Variants in KHDRBS2 observed in about 807,000 individuals in gnomAD.
KHDRBS2 encodes the protein KH RNA binding domain containing, signal transduction associated 2.
A neutral mutation model predicts 44.3 loss-of-function variants in KHDRBS2; 26 were observed. That is an observed-to-expected ratio of 0.59 (90% CI 0.43 to 0.81). KHDRBS2 has a LOEUF of 0.81. KHDRBS2 is among the 40% of genes least tolerant of loss of function. The probability of loss-of-function intolerance (pLI) is 0.00; values close to 1 mark genes in which losing one functional copy is unlikely to be tolerated. For synonymous variants in KHDRBS2, 194 were observed against 151.1 expected (o/e 1.28, Z -2.08); for missense variants, 476 against 433.1 (o/e 1.10, Z -0.88).
intron 3 of KHDRBS2, among the ~76,000 whole-genome samples, chr6:62,019,486 C>G (rs1291565048): frequency 6.6e-6 from 1 of 151,934 alleles, no homozygotes. Context: ...TAATTCTTTC[C>G]TCTTTAATAT....
At position 61,945,110 on chromosome 6, in the gene KHDRBS2, A is replaced by ATGTATATATATAT. The variant is rs1414544846; in HGVS notation, c.483+32955_483+32956insATATATATATACA. Among the ~76,000 whole-genome samples, 15 of 46,272 alleles carry ATGTATATATATAT rather than the reference A, an allele frequency of 3.2e-4. 1 individual carries two copies. Among genetic ancestry groups the ATGTATATATATAT allele is most frequent in the African/African-American group, 1.6e-3 (14 of 8,884 alleles). The allele number at this position is 46,272 out of a possible 152,430, so 30.4% of individuals were successfully genotyped here. A position where few individuals can be genotyped will look rare whatever the true frequency, so the allele number is the denominator to read the frequency against. On this transcript the variant is annotated intron_variant, in intron 4 of 8. Transcript: ENST00000281156. ...TGTCTTAAAAAAAAAAAAAAAAAAA[A>ATGTATATATATAT]AAGTATATATATATATATATATATA...
intron 3 of KHDRBS2, among the ~76,000 whole-genome samples, chr6:62,018,599 C>G (rs1170010809): frequency 2.0e-5 from 3 of 152,118 alleles, no homozygotes; most frequent in African/African-American, 7.2e-5. Flanking sequence ...CGCGCCTTGG[C>G]CTCCCAAAGT....
the KHDRBS2 span, among the ~76,000 whole-genome samples, chr6:61,559,535 G>T: frequency 6.6e-6 from 1 of 151,966 alleles, no homozygotes. Flanking sequence ...TTCTCTGATG[G>T]TATGTTTTAA....
chr6:62,099,357 G>C (rs1451464110), intron 2 of KHDRBS2, among the ~76,000 whole-genome samples: 3 of 152,094 alleles, frequency 2.0e-5, no homozygotes, highest in African/African-American at 7.2e-5. Flanking sequence ...CCTCTAAATA[G>C]TGCCCAAAAT....
chr6:62,130,239 TGTAAG>T (rs1809974875), intron 2 of KHDRBS2, among the ~76,000 whole-genome samples: 1 of 152,088 alleles, frequency 6.6e-6, no homozygotes, highest in Non-Finnish European at 1.5e-5. Flanking sequence ...TAAGTAGAGA[TGTAAG>T]GTAAGGTGAG....
At chr6:61,901,951 ATTAT>A (rs902604984) in intron 4 of KHDRBS2, among the ~76,000 whole-genome samples, 1 of 152,026 alleles carries the variant, frequency 6.6e-6, no homozygotes. Flanking sequence ...ATTTATTTTC[ATTAT>A]TTATTTATTT....
At chr6:62,194,884 C>T (rs1222500231) in intron 1 of KHDRBS2, among the ~76,000 whole-genome samples, 1 of 151,988 alleles carries the variant, frequency 6.6e-6, no homozygotes, top group African/African-American at 2.4e-5. Flanking sequence ...AAAATATGTT[C>T]ATCCTTTTCA....
the KHDRBS2 span, among the ~76,000 whole-genome samples, chr6:61,547,267 T>C: frequency 6.6e-6 from 1 of 152,060 alleles, no homozygotes; most frequent in African/African-American, 2.4e-5. Flanking sequence ...GGAGGATAGG[T>C]TTGAGAAAAT....
intron 3 of KHDRBS2, 25 bp from the exon 4 acceptor site, chr6:61,978,237 A>G: frequency 6.3e-7 from 1 of 1,575,192 alleles, no homozygotes; most frequent in Non-Finnish European, 8.7e-7. Flanking sequence ...ATTTTTAGAA[A>G]TACAAATCCA....
intron 6 of KHDRBS2, among the ~76,000 whole-genome samples, chr6:61,837,575 G>A (rs1202789780): frequency 6.6e-6 from 1 of 151,854 alleles, no homozygotes; most frequent in Non-Finnish European, 1.5e-5. Flanking sequence ...CATAATTATG[G>A]GTCATAATGG....
chr6:61,574,831 C>A, the KHDRBS2 span, among the ~76,000 whole-genome samples: 1 of 152,058 alleles, frequency 6.6e-6, no homozygotes, highest in Non-Finnish European at 1.5e-5. Flanking sequence ...ATTGCTGGAA[C>A]TCAGAAATGG....
At chr6:61,810,833 G>C (rs1330808078) in intron 6 of KHDRBS2, among the ~76,000 whole-genome samples, 1 of 152,018 alleles carries the variant, frequency 6.6e-6, no homozygotes, top group African/African-American at 2.4e-5. Context: ...GGGCTCTTTT[G>C]GGGGTACAAA....
chr6:61,848,372 T>C (rs1025156008), intron 6 of KHDRBS2, among the ~76,000 whole-genome samples: 13 of 147,436 alleles, frequency 8.8e-5, no homozygotes, highest in African/African-American at 3.2e-4. Context: ...CAGGTCGCAA[T>C]GTTGCATGTC....
At chr6:61,787,320 CTATT>C (rs1783973804) in intron 6 of KHDRBS2, among the ~76,000 whole-genome samples, 1 of 151,600 alleles carries the variant, frequency 6.6e-6, no homozygotes, top group Non-Finnish European at 1.5e-5. Context: ...GTGTCCATCT[CTATT>C]TAATATAAAA....
intron 4 of KHDRBS2, among the ~76,000 whole-genome samples, chr6:61,949,086 C>G (rs1462108783): frequency 1.3e-5 from 2 of 152,050 alleles, no homozygotes; most frequent in African/African-American, 4.8e-5. Flanking sequence ...CTTCCCCATG[C>G]TATAAACATC....
At chr6:62,049,251 G>T (rs1173787485) in intron 2 of KHDRBS2, among the ~76,000 whole-genome samples, 1 of 151,492 alleles carries the variant, frequency 6.6e-6, no homozygotes, top group Non-Finnish European at 1.5e-5. Flanking sequence ...AAAGTAAAGT[G>T]TTTTCAACAA....
At chr6:61,926,770 A>T (rs1273929351) in intron 4 of KHDRBS2, among the ~76,000 whole-genome samples, 1 of 152,176 alleles carries the variant, frequency 6.6e-6, no homozygotes, top group Non-Finnish European at 1.5e-5. Flanking sequence ...TTTTGGTGTC[A>T]TTCACAAGTT....
chr6:62,026,236 C>T (rs910941049), intron 3 of KHDRBS2, among the ~76,000 whole-genome samples: 1 of 151,468 alleles, frequency 6.6e-6, no homozygotes, highest in African/African-American at 2.4e-5. Context: ...ACTTTCCCCA[C>T]TTGGCAATAT....
At chr6:62,178,510 T>C (rs1308187719) in intron 1 of KHDRBS2, among the ~76,000 whole-genome samples, 1 of 151,472 alleles carries the variant, frequency 6.6e-6, no homozygotes, top group African/African-American at 2.4e-5. Flanking sequence ...GATAACATAG[T>C]ATGTAATATG....
Sources: gnomAD v4.1 joint callset for allele counts (sites outside exome capture counted in the v4.1 genomes callset) on GRCh38, gnomAD v4.1.1 for gene constraint, MANE v1.5 for transcripts, NCBI Gene and HGNC (gene_info 2026-07-23, HGNC 2026-07-21) for gene names.